CHD5: variants seen among roughly 807,000 people sequenced by gnomAD.
CHD5 encodes ATP-dependent chromatin remodeler CHD5.
CHD5 carries 69 observed loss-of-function variants against 230.3 expected under a neutral mutation model. That is an observed-to-expected ratio of 0.30 (90% CI 0.25 to 0.37). The LOEUF is 0.37. Among genes scored for constraint, CHD5 ranks in the 10% least tolerant of loss-of-function variants. The probability of loss-of-function intolerance (pLI) is 1.00; values close to 1 mark genes in which losing one functional copy is unlikely to be tolerated. For missense variants in CHD5, 1,827 were observed against 2,622.8 expected (o/e 0.70, Z 6.63); for synonymous variants, 1,064 against 1,065.9 (o/e 1.00, Z 0.03).
At chr1:6,135,702 A>G (rs1253383262) in intron 17 of CHD5, among the ~76,000 whole-genome samples, 1 of 152,224 alleles carries the variant, frequency 6.6e-6, no homozygotes, top group African/African-American at 2.4e-5. Context: ...GATACAGTCC[A>G]GCTGTGCCAA....
chr1:6,109,493 C>T lies in CHD5; in HGVS notation c.5578+302G>A, dbSNP rs187963075. 8.5e-5 allele frequency among the ~76,000 whole-genome samples: 13 copies of T among 152,332 alleles called. 1 individual carries two copies. The highest frequency in any genetic ancestry group is 3.9e-4 in the East Asian group (2 of 5,186). ...CTAAAGACACAGTGCATTTAAGTCACGCTGTCAGGACTCAGAAGCCTTTAC... is the reference window on the plus strand; with the variant it reads ...CTAAAGACACAGTGCATTTAAGTCATGCTGTCAGGACTCAGAAGCCTTTAC... On this transcript the variant is annotated intron_variant, in intron 38 of 41. Coordinates refer to ENST00000262450, the MANE Select transcript of CHD5 (RefSeq NM_015557.3).
At chr1:6,117,237 G>A (rs532543145) in intron 33 of CHD5, among the ~76,000 whole-genome samples, 128 of 152,172 alleles carry the variant, frequency 8.4e-4, no homozygotes, top group South Asian at 3.3e-3. Context: ...TACAACAAAT[G>A]TAAAGAGATT....
rs570189760 is a variant in CHD5, at chr1:6,101,979, G to A, written c.*3495C>T. On this transcript the variant is annotated 3_prime_UTR_variant, in exon 42 of 42. Transcript: ENST00000262450. ...CCCCCGCCGGGGCCACCCTGGCTGG[G>A]ACTCCTGGCGCGCCTTGCACCCAGC... is the stretch of plus-strand genomic sequence containing the variant. 2.8e-5 allele frequency: 12 copies of A among 424,560 alleles called. No individual in the cohort carries two copies. Among genetic ancestry groups the A allele is most frequent in the Admixed American group, 2.8e-4 (10 of 36,012 alleles). The allele number at this position is 424,560 out of a possible 1,614,324, so 26.3% of individuals were successfully genotyped here. A position where few individuals can be genotyped will look rare whatever the true frequency, so the allele number is the denominator to read the frequency against.
At chr1:6,173,880 C>T (rs1667378177) in intron 1 of CHD5, among the ~76,000 whole-genome samples, 2 of 152,300 alleles carry the variant, frequency 1.3e-5, no homozygotes, top group Non-Finnish European at 1.5e-5. Flanking sequence ...GGCAGTACAC[C>T]GCCCAAGAGA....
chr1:6,136,266 G>C (rs1161470833), intron 17 of CHD5, among the ~76,000 whole-genome samples: 1 of 152,108 alleles, frequency 6.6e-6, no homozygotes, highest in Non-Finnish European at 1.5e-5. Context: ...GGTGGTCTAG[G>C]GCAGAGCTAA....
In CHD5 at chr1:6,130,205, TG is replaced by T; in HGVS notation, c.3385del (p.Gln1129ArgfsTer15). On this transcript the variant is annotated frameshift_variant and splice_region_variant, in exon 22 of 42. Coordinates refer to ENST00000262450, the MANE Select transcript of CHD5 (RefSeq NM_015557.3). LOFTEE classifies it high-confidence loss of function. The surrounding 1 kb of genome is among the most constrained non-coding windows in gnomAD (Gnocchi z 4.9). ...DSDWNPHNDI[Q>X]AFSRAHRIGQ... Reference sequence around the variant, plus strand: ...GTGGTGGGCGGCAGCAGCACAGACCTGGATGTCATTGTGCGGGTTCCAGTCC... The same window carrying T: ...GTGGTGGGCGGCAGCAGCACAGACCTGATGTCATTGTGCGGGTTCCAGTCC... The T allele has an allele frequency of 6.2e-7, 1 of 1,613,912 alleles. No individual in the cohort carries two copies. Among genetic ancestry groups the T allele is most frequent in the Non-Finnish European group, 8.5e-7 (1 of 1,179,900 alleles).
At chr1:6,168,366 A>G in intron 1 of CHD5, 89 bp from the exon 2 acceptor site, 2 of 1,431,706 alleles carry the variant, frequency 1.4e-6, no homozygotes, top group Non-Finnish European at 1.9e-6. Context: ...GGAAGCTGGG[A>G]CCCCCAGACA....
At chr1:6,110,058 G>A (rs375627818) in intron 37 of CHD5, 68 bp from the exon 38 acceptor site, 21 of 1,349,186 alleles carry the variant, frequency 1.6e-5, no homozygotes, top group African/African-American at 5.9e-5. Context: ...CTCCACCAGC[G>A]CCCACCCCAG....
intron 1 of CHD5, among the ~76,000 whole-genome samples, chr1:6,171,585 G>T (rs114132069): frequency 2.0e-5 from 3 of 152,082 alleles, no homozygotes; most frequent in African/African-American, 7.2e-5. Flanking sequence ...CTCTGCTCCC[G>T]CAGCAGGTCC....
At chr1:6,123,241 G>A (rs367804348) in intron 31 of CHD5, among the ~76,000 whole-genome samples, 4 of 152,188 alleles carry the variant, frequency 2.6e-5, no homozygotes, top group Admixed American at 6.5e-5. Flanking sequence ...CCATATACAC[G>A]AACCATCCAG....
chr1:6,163,088 C>T (rs912181093), intron 2 of CHD5, among the ~76,000 whole-genome samples: 7 of 152,222 alleles, frequency 4.6e-5, no homozygotes, highest in Admixed American at 2.0e-4. Context: ...ACTGACAGGG[C>T]TCGCCCAGCG....
At chr1:6,124,423 C>A in intron 30 of CHD5, 94 bp downstream of exon 30, 1 of 1,421,810 alleles carries the variant, frequency 7.0e-7, no homozygotes, top group African/African-American at 1.4e-5. Flanking sequence ...TGGCCTGAAC[C>A]AGGCACTTGT....
At chr1:6,151,561 G>C (rs1667008187) in intron 6 of CHD5, among the ~76,000 whole-genome samples, 1 of 152,230 alleles carries the variant, frequency 6.6e-6, no homozygotes, top group Non-Finnish European at 1.5e-5. Flanking sequence ...TGTCTGACTG[G>C]TACATCACGG....
intron 35 of CHD5, 72 bp downstream of exon 35, chr1:6,112,068 A>G (rs1266141483): frequency 1.3e-6 from 2 of 1,542,382 alleles, no homozygotes; most frequent in Non-Finnish European, 1.8e-6. Flanking sequence ...TATAAAGTTA[A>G]CCACTGGTCT....
At chr1:6,172,424 C>T (rs1557564960) in intron 1 of CHD5, among the ~76,000 whole-genome samples, 1 of 152,102 alleles carries the variant, frequency 6.6e-6, no homozygotes, top group Non-Finnish European at 1.5e-5. Flanking sequence ...CTCCTGGGCT[C>T]GAGCGACCCT....
At chr1:6,137,919 T>A (rs1181870835) in intron 15 of CHD5, among the ~76,000 whole-genome samples, 2 of 152,138 alleles carry the variant, frequency 1.3e-5, no homozygotes, top group Non-Finnish European at 2.9e-5. Context: ...TGGTGACCAC[T>A]GTCCCCCTAC....
At chr1:6,118,304 G>T (rs1233775081) in intron 33 of CHD5, among the ~76,000 whole-genome samples, 2 of 150,394 alleles carry the variant, frequency 1.3e-5, no homozygotes, top group African/African-American at 4.9e-5. Context: ...CTTGCACCCA[G>T]GGGGTCAAGG....
intron 15 of CHD5, among the ~76,000 whole-genome samples, chr1:6,139,941 C>T (rs151144027): frequency 1.1e-4 from 17 of 152,236 alleles, no homozygotes; most frequent in South Asian, 2.1e-4. Context: ...CAACAGTTTC[C>T]GAGCATCTCT....
rs1666119921 is a variant in CHD5 at position 6,104,157 on chromosome 1, C to G, written c.*1317G>C. Reference sequence around the variant, plus strand: ...GGAGGGCCTGACCTGCTCCCCATCTCCGTCCCCAACTTGGAGGGGCAGGGT... The same window carrying G: ...GGAGGGCCTGACCTGCTCCCCATCTGCGTCCCCAACTTGGAGGGGCAGGGT... On this transcript the variant is annotated 3_prime_UTR_variant, in exon 42 of 42. Coordinates refer to ENST00000262450, the MANE Select transcript of CHD5 (RefSeq NM_015557.3). 1 of 152,388 alleles carries G rather than the reference C, an allele frequency of 6.6e-6. No individual in the cohort carries two copies. Among genetic ancestry groups the G allele is most frequent in the South Asian group, 2.1e-4 (1 of 4,830 alleles). 9.4% of individuals were successfully genotyped at this position (152,388 alleles called of 1,614,324 possible). A position where few individuals can be genotyped will look rare whatever the true frequency, so the allele number is the denominator to read the frequency against.
Sources: gnomAD v4.1 joint callset for allele counts (sites outside exome capture counted in the v4.1 genomes callset) on GRCh38, gnomAD v4.1.1 for gene constraint, Gnocchi (gnomAD v3.1) non-coding constraint, MANE v1.5 for transcripts, NCBI Gene and HGNC (gene_info 2026-07-23, HGNC 2026-07-21) for gene names.